TASP1: variants seen among roughly 807,000 people sequenced by gnomAD.
TASP1 encodes the protein taspase 1.
Under a neutral mutation model 56.6 loss-of-function variants are expected in TASP1, and 16 were observed. The ratio of observed to expected loss-of-function variants is 0.28; its 90% CI spans 0.19 to 0.43. TASP1 has a LOEUF of 0.43. Ranked by LOEUF, TASP1 falls within the 20% of genes least tolerant of loss-of-function variation. TASP1 has a pLI of 1.00. For synonymous variants in TASP1, 179 were observed against 184.2 expected (o/e 0.97, Z 0.23); for missense variants, 393 against 511.6 (o/e 0.77, Z 2.24).
chr20:13,204,881 G>T, the TASP1 span, among the ~76,000 whole-genome samples: 3 of 152,088 alleles, frequency 2.0e-5, no homozygotes, highest in Non-Finnish European at 4.4e-5. Flanking sequence ...AACAGACCAC[G>T]GTGGAAATTG....
the TASP1 span, among the ~76,000 whole-genome samples, chr20:13,305,156 C>A: frequency 6.7e-6 from 1 of 148,362 alleles, no homozygotes; most frequent in Non-Finnish European, 1.5e-5. Context: ...CTCATTCTGG[C>A]CAGAGACAGG....
At chr20:13,547,943 C>T (rs1412108410) in intron 8 of TASP1, among the ~76,000 whole-genome samples, 1 of 152,102 alleles carries the variant, frequency 6.6e-6, no homozygotes, top group Non-Finnish European at 1.5e-5. Flanking sequence ...CAAATAACCA[C>T]ACTAATAATG....
chr20:13,527,850 G>C (rs2045044723), intron 10 of TASP1, among the ~76,000 whole-genome samples: 2 of 151,986 alleles, frequency 1.3e-5, no homozygotes, highest in South Asian at 4.2e-4. Flanking sequence ...ATCTAAACTT[G>C]GCAGCATCAT....
the TASP1 span, among the ~76,000 whole-genome samples, chr20:13,217,116 T>C: frequency 6.6e-6 from 1 of 152,310 alleles, no homozygotes; most frequent in Middle Eastern, 3.4e-3. Context: ...TCAATATGCA[T>C]GTGTTTAAAA....
intron 11 of TASP1, among the ~76,000 whole-genome samples, chr20:13,460,910 G>C (rs1405728140): frequency 6.6e-6 from 1 of 152,074 alleles, no homozygotes; most frequent in Non-Finnish European, 1.5e-5. Flanking sequence ...AGCCAGAATG[G>C]CTTCAATAAA....
chr20:13,612,984 A>C (rs915328650), intron 4 of TASP1, among the ~76,000 whole-genome samples: 2 of 152,220 alleles, frequency 1.3e-5, no homozygotes, highest in Non-Finnish European at 2.9e-5. Context: ...TGAAGGATGT[A>C]AATCTATCAA....
At chr20:13,204,967 AGACCTCTTGGAGGATACCTAG>A in the TASP1 span, among the ~76,000 whole-genome samples, 1 of 152,030 alleles carries the variant, frequency 6.6e-6, no homozygotes, top group African/African-American at 2.4e-5. Context: ...CCTCCAAGAG[AGACCTCTTGGAGGATACCTAG>A]GACCTTGTGG....
chr20:13,576,395 AAGTC>A lies in TASP1; in HGVS notation c.488+4498_488+4501del, dbSNP rs1347831632. Among the ~76,000 whole-genome samples the A allele has an allele frequency of 7.7e-5, 11 of 142,426 alleles. No homozygotes were observed. The East Asian group carries it at 1.4e-3, about 18-fold the overall frequency. The allele number at this position is 142,426 out of a possible 152,430, so 93.4% of individuals were successfully genotyped here. The stretch of plus-strand genomic sequence containing the variant: ...AAAGAAAGAAAGAAAGAAAGAAAGA[AAGTC>A]AGTCTTATGGAATCTATAAAAATGG... On this transcript the variant is annotated intron_variant, in intron 6 of 13. Transcript: ENST00000337743.
At chr20:13,579,375 T>C (rs1450233935) in intron 6 of TASP1, among the ~76,000 whole-genome samples, 2 of 152,150 alleles carry the variant, frequency 1.3e-5, no homozygotes, top group Non-Finnish European at 2.9e-5. Flanking sequence ...TGTAAGATTT[T>C]TTTTTTTTTT....
At chr20:13,417,964 G>A (rs932814360) in intron 12 of TASP1, among the ~76,000 whole-genome samples, 1 of 152,206 alleles carries the variant, frequency 6.6e-6, no homozygotes, top group African/African-American at 2.4e-5. Flanking sequence ...CCAGGCTTGA[G>A]TGCAATGGCG....
chr20:13,488,929 C>T (rs1053159856), intron 10 of TASP1, among the ~76,000 whole-genome samples: 2 of 152,146 alleles, frequency 1.3e-5, no homozygotes, highest in African/African-American at 4.8e-5. Flanking sequence ...ACATCCATCC[C>T]CTTACTCCCA....
intron 6 of TASP1, among the ~76,000 whole-genome samples, chr20:13,576,231 AGGGG>A (rs2046903904): frequency 4.4e-5 from 4 of 90,702 alleles, no homozygotes; most frequent in African/African-American, 1.3e-4. Flanking sequence ...AGGGGAGGGG[AGGGG>A]AGCGGAGGGA....
At chr20:13,131,616 C>T in the TASP1 span, among the ~76,000 whole-genome samples, 7 of 152,264 alleles carry the variant, frequency 4.6e-5, no homozygotes, top group Admixed American at 3.3e-4. Flanking sequence ...TTAGCAACTC[C>T]CACACACTCT....
At chr20:13,558,962 T>C (rs943526683) in intron 8 of TASP1, 46 bp downstream of exon 8, 1 of 1,215,144 alleles carries the variant, frequency 8.2e-7, no homozygotes, top group Middle Eastern at 1.9e-4. Context: ...ATGCAGAAGA[T>C]ATATCATCTG....
At chr20:13,625,309 G>T in intron 2 of TASP1, 57 bp from the exon 3 acceptor site, 1 of 1,426,270 alleles carries the variant, frequency 7.0e-7, no homozygotes, top group Non-Finnish European at 9.7e-7. Context: ...CCTTGCTTAT[G>T]TTATATAAAT....
At chr20:13,430,416 C>G (rs1223016336) in intron 12 of TASP1, among the ~76,000 whole-genome samples, 1 of 152,182 alleles carries the variant, frequency 6.6e-6, no homozygotes, top group Non-Finnish European at 1.5e-5. Context: ...TGAAGGCTCA[C>G]TCAGATCTCT....
At chr20:13,372,489 A>G in the TASP1 span, among the ~76,000 whole-genome samples, 1 of 151,700 alleles carries the variant, frequency 6.6e-6, no homozygotes, top group African/African-American at 2.4e-5. Flanking sequence ...TATTTTATAT[A>G]TATATGTAAA....
chr20:13,401,979 T>A (rs1367280499), intron 13 of TASP1, among the ~76,000 whole-genome samples: 1 of 152,238 alleles, frequency 6.6e-6, no homozygotes, highest in Non-Finnish European at 1.5e-5. Flanking sequence ...AATGTTTTCA[T>A]TACTTTTCAT....
chr20:13,587,215 T>G (rs754778048), intron 5 of TASP1, 35 bp downstream of exon 5: 1 of 1,580,280 alleles, frequency 6.3e-7, no homozygotes, highest in Non-Finnish European at 8.6e-7. Context: ...ACGTGCATGA[T>G]TTTCCAAAGA....
Sources: allele counts gnomAD v4.1 joint callset (sites outside exome capture counted in the v4.1 genomes callset), GRCh38; gene constraint gnomAD v4.1.1; transcripts MANE v1.5; gene names NCBI Gene and HGNC (gene_info 2026-07-23, HGNC 2026-07-21).